RAD51B: variants seen among roughly 807,000 people sequenced by gnomAD.
RAD51B encodes DNA repair protein RAD51 homolog 2.
In RAD51B, 38 loss-of-function variants were observed where a neutral mutation model predicts 42.2. That is an observed-to-expected ratio of 0.90 (90% CI 0.70 to 1.18). The LOEUF is 1.18. Among genes scored for constraint, RAD51B ranks in the 50% most tolerant of loss-of-function variants. The pLI is 0.00. For synonymous variants in RAD51B, 154 were observed against 145.2 expected (o/e 1.06, Z -0.43); for missense variants, 373 against 400.7 (o/e 0.93, Z 0.59).
chr14:67,943,174 C>G (rs1400745152), intron 7 of RAD51B, among the ~76,000 whole-genome samples: 2 of 151,972 alleles, frequency 1.3e-5, no homozygotes, highest in African/African-American at 4.8e-5. Flanking sequence ...TGAGAAATTG[C>G]AAAAATGTTT....
At chr14:67,950,688 C>G (rs942616054) in intron 7 of RAD51B, among the ~76,000 whole-genome samples, 39 of 152,176 alleles carry the variant, frequency 2.6e-4, no homozygotes, top group African/African-American at 8.7e-4. Context: ...CCTGATTCAG[C>G]TTTTGATACG....
chr14:68,290,307 T>C (rs2081490906), intron 7 of RAD51B, among the ~76,000 whole-genome samples: 1 of 152,210 alleles, frequency 6.6e-6, no homozygotes, highest in Non-Finnish European at 1.5e-5. Flanking sequence ...GTGACCAAGA[T>C]GCTCATAGTT....
rs559649965 is a variant in RAD51B at position 67,880,180 on chromosome 14, G to A, written c.453-5689G>A. ...TTGGGATGCAGTCAAACTCATGGTA[G>A]CAGATGTAAGTTTTTTAGGAATCTG... On this transcript the variant is annotated intron_variant, in intron 5 of 10. Coordinates refer to ENST00000471583, the MANE Select transcript of RAD51B (RefSeq NM_133510.4). Among the ~76,000 whole-genome samples, 12 of 152,294 alleles carry A rather than the reference G, an allele frequency of 7.9e-5. No homozygotes were observed. In the South Asian group the frequency reaches 2.3e-3, roughly 29 times the overall value.
At chr14:67,856,195 C>G (rs1020371013) in intron 4 of RAD51B, among the ~76,000 whole-genome samples, 1 of 152,156 alleles carries the variant, frequency 6.6e-6, no homozygotes, top group African/African-American at 2.4e-5. Context: ...CTTCCTCTCT[C>G]CCTTCCCATT....
intron 10 of RAD51B, among the ~76,000 whole-genome samples, chr14:68,532,854 G>GA (rs1365013383): frequency 2.0e-5 from 3 of 152,042 alleles, no homozygotes; most frequent in African/African-American, 4.8e-5. Flanking sequence ...TATAGATGCA[G>GA]AAAAAAATTA....
At chr14:68,498,808 C>CA (rs1159819820) in intron 10 of RAD51B, among the ~76,000 whole-genome samples, 1 of 152,054 alleles carries the variant, frequency 6.6e-6, no homozygotes, top group Admixed American at 6.5e-5. Context: ...TTGGAAGAAA[C>CA]AAAAAATGCA....
At chr14:68,278,527 G>C (rs1186192302) in intron 7 of RAD51B, among the ~76,000 whole-genome samples, 1 of 152,164 alleles carries the variant, frequency 6.6e-6, no homozygotes, top group African/African-American at 2.4e-5. Context: ...AGACTATGTA[G>C]TGCTCTTCAG....
chr14:67,913,995 T>G (rs1427589300), intron 7 of RAD51B, among the ~76,000 whole-genome samples: 3 of 151,974 alleles, frequency 2.0e-5, no homozygotes, highest in African/African-American at 7.3e-5. Context: ...CAATTTTTTT[T>G]TTTTTGAGAT....
At chr14:68,595,158 C>T (rs1163174462) in exon 11 of RAD51B, 1 of 1,066,292 alleles carries the variant, frequency 9.4e-7, no homozygotes, top group Non-Finnish European at 1.1e-6. Flanking sequence ...TATTCTCTTC[C>T]CTCCCAATTA....
At chr14:68,107,803 T>C (rs1298825790) in intron 7 of RAD51B, among the ~76,000 whole-genome samples, 1 of 151,720 alleles carries the variant, frequency 6.6e-6, no homozygotes, top group Non-Finnish European at 1.5e-5. Flanking sequence ...ACAGAACACA[T>C]CAAATGGATC....
intron 7 of RAD51B, among the ~76,000 whole-genome samples, chr14:68,143,975 C>A (rs565756957): frequency 1.3e-5 from 2 of 152,088 alleles, no homozygotes; most frequent in East Asian, 3.9e-4. Context: ...CATTACTCAG[C>A]CTTTTTGTCT....
At chr14:68,246,011 G>A (rs895624486) in intron 7 of RAD51B, among the ~76,000 whole-genome samples, 1 of 152,120 alleles carries the variant, frequency 6.6e-6, no homozygotes, top group Non-Finnish European at 1.5e-5. Flanking sequence ...GTAAGCCAAG[G>A]AGAGACAAGG....
chr14:68,096,975 G>A (rs1450285829), intron 7 of RAD51B, among the ~76,000 whole-genome samples: 2 of 152,124 alleles, frequency 1.3e-5, no homozygotes, highest in African/African-American at 4.8e-5. Context: ...CATGTGTAAG[G>A]ACAATTAAGC....
At chr14:68,656,865 A>C (rs1466446598) in intron 11 of RAD51B, among the ~76,000 whole-genome samples, 1 of 152,158 alleles carries the variant, frequency 6.6e-6, no homozygotes, top group African/African-American at 2.4e-5. Context: ...CCCATTCACT[A>C]TGCGGGATCA....
chr14:68,509,260 AG>A (rs148966462), intron 10 of RAD51B, among the ~76,000 whole-genome samples: 5,302 of 152,330 alleles, frequency 0.035, 100 homozygotes, highest in African/African-American at 0.042. Flanking sequence ...TGGGTTGTCA[AG>A]TGGTCGTGTG....
intron 7 of RAD51B, among the ~76,000 whole-genome samples, chr14:68,060,210 T>C (rs537932317): frequency 1.8e-4 from 27 of 152,348 alleles, no homozygotes; most frequent in South Asian, 6.2e-4. Context: ...AGATTATATG[T>C]ATGCACATGT....
intron 9 of RAD51B, among the ~76,000 whole-genome samples, chr14:68,425,936 T>TTTTC (rs56847254): frequency 0.062 from 4,539 of 73,804 alleles, 280 homozygotes; most frequent in Admixed American, 0.12. Flanking sequence ...AGGCCATTCT[T>TTTTC]TTTCTTTCTT....
intron 7 of RAD51B, among the ~76,000 whole-genome samples, chr14:67,931,924 C>T (rs1412009620): frequency 6.6e-6 from 1 of 152,060 alleles, no homozygotes; most frequent in African/African-American, 2.4e-5. Context: ...CATCTGCACA[C>T]CTGGTATAAT....
chr14:68,517,185 T>G lies in RAD51B; in HGVS notation c.1036+48935T>G, dbSNP rs534579606. On this transcript the variant is annotated intron_variant, in intron 10 of 10. Coordinates refer to the RAD51B transcript ENST00000487270. ...AGGATGCACCAGAAATGCTTGATAC[T>G]TTGTTTCCAAGTCATCACACAAAGA... 2.6e-5 allele frequency among the ~76,000 whole-genome samples: 4 copies of G among 151,376 alleles called. No homozygotes were observed. In the East Asian group the frequency reaches 7.8e-4, roughly 30 times the overall value.
Sources: allele counts gnomAD v4.1 joint callset (sites outside exome capture counted in the v4.1 genomes callset), GRCh38; gene constraint gnomAD v4.1.1; transcripts MANE v1.5; gene names NCBI Gene and HGNC (gene_info 2026-07-23, HGNC 2026-07-21).